The following TMCC1 variants were observed in gnomAD, a reference collection of about 807,000 sequenced individuals.
TMCC1 encodes transmembrane and coiled-coil domains protein 1.
TMCC1 carries 15 observed loss-of-function variants against 52.4 expected under a neutral mutation model. The ratio of observed to expected loss-of-function variants is 0.29; its 90% CI spans 0.19 to 0.44. TMCC1 has a LOEUF of 0.44. Among genes scored for constraint, TMCC1 ranks in the 20% least tolerant of loss-of-function variants. TMCC1 has a pLI of 1.00. For synonymous variants in TMCC1, 279 were observed against 301.9 expected (o/e 0.92, Z 0.79); for missense variants, 503 against 806.0 (o/e 0.62, Z 4.55).
At chr3:129,757,672 C>CAA (rs890550701) in intron 4 of TMCC1, among the ~76,000 whole-genome samples, 20 of 151,942 alleles carry the variant, frequency 1.3e-4, no homozygotes, top group Admixed American at 1.2e-3. Flanking sequence ...AACAAACAAA[C>CAA]AAAAAAATTA....
chr3:129,709,569 T>C (rs553069807), intron 4 of TMCC1, among the ~76,000 whole-genome samples: 2 of 151,226 alleles, frequency 1.3e-5, no homozygotes, highest in South Asian at 4.2e-4. Flanking sequence ...TCCATGATCC[T>C]GAGGTCCAAG....
intron 4 of TMCC1, chr3:129,794,232 G>A (rs2056662134): frequency 6.7e-6 from 3 of 444,946 alleles, no homozygotes; most frequent in African/African-American, 6.1e-5. Flanking sequence ...CTGGAGGACG[G>A]CAGGCTTGAC....
At chr3:129,779,606 A>T (rs2107721336) in intron 4 of TMCC1, among the ~76,000 whole-genome samples, 1 of 152,326 alleles carries the variant, frequency 6.6e-6, no homozygotes, top group Non-Finnish European at 1.5e-5. Flanking sequence ...TATGCTAAAG[A>T]TTTACCTCTT....
intron 4 of TMCC1, among the ~76,000 whole-genome samples, chr3:129,794,589 T>A (rs926136905): frequency 2.6e-5 from 4 of 152,168 alleles, no homozygotes; most frequent in African/African-American, 9.7e-5. Flanking sequence ...GAAGCCGCTG[T>A]GCCCAGTGCC....
intron 4 of TMCC1, among the ~76,000 whole-genome samples, chr3:129,698,586 A>C (rs976229707): frequency 6.6e-6 from 1 of 152,230 alleles, no homozygotes; most frequent in African/African-American, 2.4e-5. Context: ...CTGTGTGCTC[A>C]ATTTGTACAT....
chr3:129,833,744 T>A (rs533692542), intron 2 of TMCC1, among the ~76,000 whole-genome samples: 152 of 152,146 alleles, frequency 1.0e-3, no homozygotes, highest in African/African-American at 3.4e-3. Flanking sequence ...CAAAAAAAAA[T>A]GTTTTTATTA....
intron 4 of TMCC1, among the ~76,000 whole-genome samples, chr3:129,763,792 C>T (rs933253529): frequency 6.6e-6 from 1 of 150,854 alleles, no homozygotes; most frequent in Non-Finnish European, 1.5e-5. Flanking sequence ...TGTCACAGCA[C>T]TCCAGCCTGG....
chr3:129,828,048 C>T lies in TMCC1; in HGVS notation c.331G>A (p.Val111Met). Residue 111 changes from valine to methionine, a missense_variant, in exon 4 of 7, where the codon GTG (valine) becomes ATG (methionine). Around this residue, in one of 7 missense-constraint regions of TMCC1, gnomAD observed 217 missense variants for 297.9 expected, o/e 0.73. Coordinates refer to ENST00000393238, the MANE Select transcript of TMCC1 (RefSeq NM_001017395.5). This position sits in a 1 kb window ranked among gnomAD's most constrained non-coding sequence, Gnocchi z 4.1. ...GTCCCTCTCTTCATCTTGGGTGGCA[C>T]TCGAATCTGCTGCAGGACACGATTC... ...ALNRVLQQIR[V>M]PPKMKRGTSL... 1 of 1,614,154 alleles carries T rather than the reference C, an allele frequency of 6.2e-7. No homozygotes were observed. Among genetic ancestry groups the T allele is most frequent in the Non-Finnish European group, 8.5e-7 (1 of 1,180,012 alleles).
intron 5 of TMCC1, among the ~76,000 whole-genome samples, chr3:129,657,980 T>C (rs551466915): frequency 6.6e-6 from 1 of 152,348 alleles, no homozygotes; most frequent in African/African-American, 2.4e-5. Flanking sequence ...TAATCATCAT[T>C]GCCAAAAAGT....
chr3:129,678,067 A>G (rs1350698778), intron 4 of TMCC1, among the ~76,000 whole-genome samples: 3 of 151,732 alleles, frequency 2.0e-5, no homozygotes, highest in Non-Finnish European at 4.4e-5. Flanking sequence ...ACATGGGATT[A>G]TAGGTGTATG....
intron 1 of TMCC1, among the ~76,000 whole-genome samples, chr3:129,881,899 A>T (rs1385180492): frequency 6.6e-6 from 1 of 152,250 alleles, no homozygotes; most frequent in East Asian, 1.9e-4. Context: ...ATATATATGT[A>T]ACTGGAATCC....
chr3:129,697,866 A>G (rs148789745), intron 4 of TMCC1, among the ~76,000 whole-genome samples: 1 of 152,268 alleles, frequency 6.6e-6, no homozygotes, highest in African/African-American at 2.4e-5. Context: ...TTTATTGTCC[A>G]TATCACTATC....
At chr3:129,659,855 C>T (rs190265189) in intron 5 of TMCC1, among the ~76,000 whole-genome samples, 13 of 152,258 alleles carry the variant, frequency 8.5e-5, no homozygotes, top group Admixed American at 6.5e-4. Context: ...CTCTGCAACT[C>T]GCTAGCTTGG....
At chr3:129,796,192 TA>T (rs1274097025) in intron 4 of TMCC1, among the ~76,000 whole-genome samples, 5 of 152,214 alleles carry the variant, frequency 3.3e-5, no homozygotes, top group Non-Finnish European at 5.9e-5. Context: ...ACCACTGTAT[TA>T]AAACTGCCTA....
intron 2 of TMCC1, among the ~76,000 whole-genome samples, chr3:129,850,725 G>A (rs1204476848): frequency 6.6e-6 from 1 of 152,140 alleles, no homozygotes; most frequent in Admixed American, 6.5e-5. Flanking sequence ...TCAGAGCCGA[G>A]AGCCCCGAAC....
rs2086125636 is a variant in TMCC1, at chr3:129,648,060, T to G, written c.*3421A>C. 1 of 152,666 alleles carries G rather than the reference T, an allele frequency of 6.6e-6. No homozygotes were observed. Among genetic ancestry groups the G allele is most frequent in the Non-Finnish European group, 1.5e-5 (1 of 68,048 alleles). 9.5% of individuals were successfully genotyped at this position (152,666 alleles called of 1,614,324 possible). ...AGGATATCACCTAGCATACACGACA[T>G]ACAGACAGCAATGTTAACTCTTAGA... On this transcript the variant is annotated 3_prime_UTR_variant, in exon 7 of 7. Coordinates refer to ENST00000393238, the MANE Select transcript of TMCC1 (RefSeq NM_001017395.5).
At chr3:129,892,287 T>C (rs1017957462) in intron 1 of TMCC1, among the ~76,000 whole-genome samples, 1 of 152,208 alleles carries the variant, frequency 6.6e-6, no homozygotes, top group Non-Finnish European at 1.5e-5. Flanking sequence ...CTTTCTACAC[T>C]AGCCAGAGAG....
chr3:129,788,611 C>T (rs1447931233), intron 4 of TMCC1, among the ~76,000 whole-genome samples: 5 of 152,016 alleles, frequency 3.3e-5, no homozygotes, highest in African/African-American at 1.2e-4. Flanking sequence ...TACAGGCGCC[C>T]GCCACCACGC....
intron 4 of TMCC1, among the ~76,000 whole-genome samples, chr3:129,785,602 T>TAC (rs1440199498): frequency 3.4e-4 from 50 of 145,362 alleles, no homozygotes; most frequent in African/African-American, 1.2e-3. Flanking sequence ...CACACACACA[T>TAC]ACACACACAC....
Sources: allele counts gnomAD v4.1 joint callset (sites outside exome capture counted in the v4.1 genomes callset), GRCh38; gene constraint gnomAD v4.1.1; regional missense constraint gnomAD v4.1.1; non-coding constraint Gnocchi (gnomAD v3.1); transcripts MANE v1.5; gene names NCBI Gene and HGNC (gene_info 2026-07-23, HGNC 2026-07-21).